The following CSMD2 variants were observed in gnomAD, a reference collection of about 807,000 sequenced individuals.
The protein encoded by CSMD2 is CUB and sushi domain-containing protein 2.
Under a neutral mutation model 398.5 loss-of-function variants are expected in CSMD2, and 130 were observed. That is an observed-to-expected ratio of 0.33 (90% CI 0.28 to 0.38). CSMD2 has a LOEUF of 0.38. Ranked by LOEUF, CSMD2 falls within the 10% of genes least tolerant of loss-of-function variation. The pLI, the probability that CSMD2 is intolerant of heterozygous loss-of-function variation, is 1.00. For missense variants in CSMD2, 3,829 were observed against 4,764.9 expected (o/e 0.80, Z 5.78); for synonymous variants, 1,828 against 1,908.5 (o/e 0.96, Z 1.10).
rs748615777 is a variant in CSMD2 at position 33,606,000 on chromosome 1, A to G, written c.6344-530T>C. On this transcript the variant is annotated intron_variant, in intron 41 of 70. Transcript: ENST00000373381. ...GGAGTAAGTCAAATCTGTGGCAAGG[A>G]GAGAAGCTTTTCAGAGGGAGTAGCT... is the stretch of plus-strand genomic sequence containing the variant. The G allele has an allele frequency of 2.5e-6, 4 of 1,608,498 alleles. No individual in the cohort carries two copies. In the Admixed American group the frequency reaches 6.9e-5, roughly 28 times the overall value.
intron 1 of CSMD2, among the ~76,000 whole-genome samples, chr1:34,092,994 A>G (rs111471574): frequency 0.26 from 39,309 of 149,386 alleles, 4,537 homozygotes; most frequent in Admixed American, 0.34. Flanking sequence ...ACCTCTGCAG[A>G]CTTAAATGTC....
At chr1:34,155,258 G>A (rs926556817) in intron 1 of CSMD2, among the ~76,000 whole-genome samples, 2 of 152,172 alleles carry the variant, frequency 1.3e-5, no homozygotes, top group Admixed American at 1.3e-4. Flanking sequence ...CGTCAACTGT[G>A]CCTTCCACGT....
rs769502436 is a variant in CSMD2, at chr1:33,657,992, C to T, written c.4401G>A (p.Lys1467=). ...GCTGCCAGAAGAACCTGTTCTCGAT[C>T]TTCACACAGCTGATCTCTGCACTTC... ...LQGSAEISCV[K]IENRFFWQPS... Residue 1467 remains lysine, a synonymous_variant, in exon 27 of 71, where the codon AAG becomes AAA. Transcript: ENST00000373381. The T allele has an allele frequency of 1.2e-6, 2 of 1,614,164 alleles. No individual in the cohort carries two copies. Among genetic ancestry groups the T allele is most frequent in the Non-Finnish European group, 1.7e-6 (2 of 1,179,996 alleles).
At chr1:33,895,962 C>G (rs1642360055) in intron 5 of CSMD2, among the ~76,000 whole-genome samples, 1 of 152,134 alleles carries the variant, frequency 6.6e-6, no homozygotes, top group Admixed American at 6.5e-5. Flanking sequence ...ACCGTCATCT[C>G]CTCCAAGACG....
At chr1:34,089,983 C>T (rs1167772311) in intron 1 of CSMD2, among the ~76,000 whole-genome samples, 1 of 152,188 alleles carries the variant, frequency 6.6e-6, no homozygotes, top group African/African-American at 2.4e-5. Context: ...ACTTCCCACT[C>T]ACTCTCCAAC....
Position 33,537,508 on chromosome 1 carries a change from C to T in CSMD2, c.9733G>A (p.Val3245Met), listed in dbSNP as rs1052062554. 6.2e-7 allele frequency: 1 copy of T among 1,614,170 alleles called. No homozygotes were observed. Residue 3245 changes from valine to methionine, a missense_variant, in exon 61 of 71, where the codon GTG (valine) becomes ATG (methionine). Coordinates refer to ENST00000373381, the MANE Select transcript of CSMD2 (RefSeq NM_001281956.2). The surrounding 1 kb of genome is among the most constrained non-coding windows in gnomAD (Gnocchi z 4.6). Reference protein sequence around the residue: ...SVSFSCHPPLVLVGSPRRFCQ... With the variant: ...SVSFSCHPPLMLVGSPRRFCQ... ...AACCTGCGTGGAGAGCCCACCAGCA[C>T]CAGAGGGGGATGGCAGGAGAAGGAG... is the stretch of plus-strand genomic sequence containing the variant.
chr1:34,018,913 T>C (rs1648500687), intron 3 of CSMD2, among the ~76,000 whole-genome samples: 1 of 152,246 alleles, frequency 6.6e-6, no homozygotes, highest in African/African-American at 2.4e-5. Flanking sequence ...TTGACACTGC[T>C]CCCTATTATA....
intron 4 of CSMD2, among the ~76,000 whole-genome samples, chr1:33,919,615 T>G (rs1036260058): frequency 6.6e-6 from 1 of 152,228 alleles, no homozygotes; most frequent in Non-Finnish European, 1.5e-5. Flanking sequence ...GAGCACCTAC[T>G]GTGGGCCAAA....
chr1:33,754,900 G>C (rs988286455), intron 13 of CSMD2, among the ~76,000 whole-genome samples: 1 of 152,078 alleles, frequency 6.6e-6, no homozygotes, highest in Non-Finnish European at 1.5e-5. Flanking sequence ...AGTGTTGCCT[G>C]TGAGGTAGGA....
At chr1:33,645,385 AC>A (rs1643369162) in intron 29 of CSMD2, among the ~76,000 whole-genome samples, 1 of 148,962 alleles carries the variant, frequency 6.7e-6, no homozygotes, top group African/African-American at 2.6e-5. Context: ...ACACACACAC[AC>A]ACACACATAT....
At chr1:33,521,615 C>T (rs1000837724) in intron 67 of CSMD2, 65 bp from the exon 68 acceptor site, 2 of 1,013,256 alleles carry the variant, frequency 2.0e-6, no homozygotes, top group Admixed American at 1.7e-5. Flanking sequence ...ACTCCTCTCT[C>T]ATCATACACG....
chr1:33,853,762 G>A (rs1380262727), intron 5 of CSMD2, among the ~76,000 whole-genome samples: 1 of 152,190 alleles, frequency 6.6e-6, no homozygotes, highest in Non-Finnish European at 1.5e-5. Context: ...GCTTCTTTGG[G>A]GGAGGCAGGG....
At chr1:33,606,106 A>G in intron 41 of CSMD2, 1 of 1,421,166 alleles carries the variant, frequency 7.0e-7, no homozygotes, top group East Asian at 2.5e-5. Context: ...GGGTGGCCTG[A>G]CTCCACAGGA....
chr1:33,516,747 G>T (rs1285910257), intron 70 of CSMD2, among the ~76,000 whole-genome samples, 177 bp from the exon 71 acceptor site: 1 of 152,222 alleles, frequency 6.6e-6, no homozygotes, highest in Admixed American at 6.5e-5. Flanking sequence ...GGGGATGGGG[G>T]TAGGTAGGGA....
intron 3 of CSMD2, among the ~76,000 whole-genome samples, chr1:33,946,764 G>A (rs544369954): frequency 1.1e-4 from 13 of 118,010 alleles, no homozygotes; most frequent in Admixed American, 3.1e-4. Context: ...GATTACAGGC[G>A]CGCACCACCC....
chr1:33,724,249 G>T lies in CSMD2; in HGVS notation c.2949C>A (p.Phe983Leu), dbSNP rs1363306067. ...GTILSPGFPD[F>L]YPNNLNCTWI... Reference sequence around the variant, plus strand: ...AGGTGCAGTTCAAGTTGTTGGGGTAGAAGTCAGGGAACCCTGGCGACAAGA... The same window carrying T: ...AGGTGCAGTTCAAGTTGTTGGGGTATAAGTCAGGGAACCCTGGCGACAAGA... Residue 983 changes from phenylalanine to leucine, a missense_variant, in exon 19 of 71, where the codon TTC becomes TTA. Coordinates refer to ENST00000373381, the MANE Select transcript of CSMD2 (RefSeq NM_001281956.2). 1 of 1,614,118 alleles carries T rather than the reference G, an allele frequency of 6.2e-7. No homozygotes were observed.
chr1:33,533,318 T>A lies in CSMD2; in HGVS notation c.9992-89A>T, dbSNP rs1655434441. 1 of 1,169,126 alleles carries A rather than the reference T, an allele frequency of 8.6e-7. No homozygotes were observed. Among genetic ancestry groups the A allele is most frequent in the South Asian group, 1.3e-5 (1 of 74,944 alleles). The allele number at this position is 1,169,126 out of a possible 1,614,324, so 72.4% of individuals were successfully genotyped here. A position where few individuals can be genotyped will look rare whatever the true frequency, so the allele number is the denominator to read the frequency against. ...CATTCCCCTGTTCCTAGATAGAATA[T>A]CCTCTTCCTTTCCCTTCCAGTCCCT... On this transcript the variant is annotated intron_variant, in intron 63 of 70. Transcript: ENST00000373381. This position sits in a 1 kb window ranked among gnomAD's most constrained non-coding sequence, Gnocchi z 4.2.
chr1:33,843,681 G>A (rs373070536), intron 6 of CSMD2, among the ~76,000 whole-genome samples: 36 of 152,318 alleles, frequency 2.4e-4, no homozygotes, highest in Middle Eastern at 3.4e-3. Flanking sequence ...AGGGCAGGGA[G>A]CAGGACAGAG....
Position 33,589,566 on chromosome 1 carries a change from ACTGT to A in CSMD2, c.6857-2402_6857-2399del, listed in dbSNP as rs975491738. Among the ~76,000 whole-genome samples the A allele has an allele frequency of 3.7e-4, 57 of 152,310 alleles. 1 individual carries two copies. Among genetic ancestry groups the A allele is most frequent in the African/African-American group, 1.3e-3 (55 of 41,580 alleles). On this transcript the variant is annotated intron_variant, in intron 44 of 70. Coordinates refer to ENST00000373381, the MANE Select transcript of CSMD2 (RefSeq NM_001281956.2). ...TGGCCTATTTGCATTTCTCTTTTTAACTGTCTATTAAAAGAGTTGTGATGAACCA... is the reference window on the plus strand; with the variant it reads ...TGGCCTATTTGCATTTCTCTTTTTAACTATTAAAAGAGTTGTGATGAACCA...
Sources: gnomAD v4.1 joint callset for allele counts (sites outside exome capture counted in the v4.1 genomes callset) on GRCh38, gnomAD v4.1.1 for gene constraint, Gnocchi (gnomAD v3.1) non-coding constraint, MANE v1.5 for transcripts, NCBI Gene and HGNC (gene_info 2026-07-23, HGNC 2026-07-21) for gene names.